The following ANKDD1B variants were observed in gnomAD, a reference collection of about 807,000 sequenced individuals.
The protein encoded by ANKDD1B is ankyrin repeat and death domain containing 1B.
ANKDD1B carries 57 observed loss-of-function variants against 59.7 expected under a neutral mutation model. That is an observed-to-expected ratio of 0.95 (90% CI 0.77 to 1.19). The LOEUF is 1.19. Ranked by LOEUF, ANKDD1B falls within the 50% of genes most tolerant of loss-of-function variation. The probability of loss-of-function intolerance (pLI) is 0.00; values close to 1 mark genes in which losing one functional copy is unlikely to be tolerated. For missense variants in ANKDD1B, 602 were observed against 641.9 expected, an observed-to-expected ratio of 0.94 and a Z score of 0.67; for synonymous variants, 216 against 239.5, an observed-to-expected ratio of 0.90 and a Z score of 0.91.
At chr5:75,622,681 C>T (rs116429038) in intron 3 of ANKDD1B, among the ~76,000 whole-genome samples, 133 of 152,292 alleles carry the variant, frequency 8.7e-4, no homozygotes, top group African/African-American at 2.6e-3. Flanking sequence ...TCACCTATGA[C>T]GAGACTGGCA....
At chr5:75,656,241 T>A in intron 9 of ANKDD1B, 114 bp downstream of exon 9, 1 of 534,042 alleles carries the variant, frequency 1.9e-6, no homozygotes, top group Non-Finnish European at 3.3e-6. Flanking sequence ...GGGAGGAACA[T>A]GAGCATCCTT....
chr5:75,659,031 T>A lies in ANKDD1B; in HGVS notation c.997-252T>A, dbSNP rs566197237. 4.9e-4 allele frequency among the ~76,000 whole-genome samples: 74 copies of A among 150,368 alleles called. No homozygotes were observed. The South Asian group carries it at 8.0e-3, about 16-fold the overall frequency. On this transcript the variant is annotated intron_variant, in intron 9 of 13. Transcript: ENST00000601380. Reference sequence around the variant, plus strand: ...AGGTACCTAATATTGAAATCATTTTTAAAAAAATAATTTTTAATGGTTGCC... The same window carrying A: ...AGGTACCTAATATTGAAATCATTTTAAAAAAAATAATTTTTAATGGTTGCC...
At chr5:75,650,509 T>C (rs1016601114) in intron 7 of ANKDD1B, among the ~76,000 whole-genome samples, 2 of 152,234 alleles carry the variant, frequency 1.3e-5, no homozygotes, top group Admixed American at 6.5e-5. Context: ...TTCGGACTTC[T>C]GACCTCCAGA....
intron 3 of ANKDD1B, among the ~76,000 whole-genome samples, chr5:75,622,004 C>A (rs1403191619): frequency 6.6e-6 from 1 of 152,182 alleles, no homozygotes; most frequent in African/African-American, 2.4e-5. Context: ...AGTGGCATTA[C>A]TCTGTAACTA....
chr5:75,627,382 G>A (rs1035018075), intron 5 of ANKDD1B, among the ~76,000 whole-genome samples: 1 of 152,018 alleles, frequency 6.6e-6, no homozygotes, highest in South Asian at 2.1e-4. Flanking sequence ...AATGCGCTTC[G>A]TGGTAAGCCA....
intron 7 of ANKDD1B, among the ~76,000 whole-genome samples, chr5:75,652,935 T>C (rs1236139354): frequency 1.3e-5 from 2 of 152,228 alleles, no homozygotes; most frequent in African/African-American, 4.8e-5. Flanking sequence ...GTAACATAGT[T>C]AAGTACTTGT....
At chr5:75,629,069 A>G (rs991874646) in intron 5 of ANKDD1B, among the ~76,000 whole-genome samples, 2 of 152,160 alleles carry the variant, frequency 1.3e-5, no homozygotes, top group Admixed American at 6.5e-5. Flanking sequence ...CAAAATACAA[A>G]GAAGCTTCTT....
chr5:75,626,101 A>C, intron 5 of ANKDD1B, 146 bp downstream of exon 5: 4 of 626,666 alleles, frequency 6.4e-6, no homozygotes, highest in African/African-American at 3.6e-5. Flanking sequence ...AGACCACAGA[A>C]CCAAAGAGGA....
At chr5:75,614,582 AAC>A (rs1773666357) in intron 1 of ANKDD1B, among the ~76,000 whole-genome samples, 1 of 152,158 alleles carries the variant, frequency 6.6e-6, no homozygotes, top group South Asian at 2.1e-4. Context: ...CCTTCATTTA[AAC>A]ACATGGCTTC....
intron 13 of ANKDD1B, among the ~76,000 whole-genome samples, chr5:75,669,633 G>A (rs1351766264): frequency 6.6e-6 from 1 of 152,140 alleles, no homozygotes; most frequent in African/African-American, 2.4e-5. Context: ...GAAAAAGTGT[G>A]GGAGTGTTTT....
chr5:75,639,933 T>C (rs1305025154), intron 7 of ANKDD1B, among the ~76,000 whole-genome samples: 2 of 152,248 alleles, frequency 1.3e-5, no homozygotes, highest in African/African-American at 4.8e-5. Flanking sequence ...TTTTAAAATG[T>C]CATGTAACAT....
At chr5:75,663,314 C>G in intron 10 of ANKDD1B, 80 bp from the exon 11 acceptor site, 1 of 1,059,786 alleles carries the variant, frequency 9.4e-7, no homozygotes, top group Non-Finnish European at 1.4e-6. Flanking sequence ...AAGATTTGAA[C>G]CGAGGCCCCC....
At chr5:75,624,965 T>C (rs1322847637) in intron 3 of ANKDD1B, among the ~76,000 whole-genome samples, 1 of 152,250 alleles carries the variant, frequency 6.6e-6, no homozygotes, top group Admixed American at 6.5e-5. Flanking sequence ...GCTTGCATTA[T>C]ATAGTCTGAC....
intron 7 of ANKDD1B, among the ~76,000 whole-genome samples, chr5:75,639,239 C>T (rs1774397371): frequency 6.6e-6 from 1 of 152,122 alleles, no homozygotes. Context: ...TCTTGTTGCC[C>T]AGGCGGGAGT....
At chr5:75,636,932 G>A (rs1774320058) in intron 7 of ANKDD1B, among the ~76,000 whole-genome samples, 1 of 151,986 alleles carries the variant, frequency 6.6e-6, no homozygotes, top group Admixed American at 6.6e-5. Flanking sequence ...GTACATTCAG[G>A]TGGAGTGTTA....
In ANKDD1B at chr5:75,671,242, TTGTA is replaced by T. The variant is rs1405703830; in HGVS notation, c.*206_*209del. The stretch of plus-strand genomic sequence containing the variant: ...TATAGTTTTTTTTGCTGAGGGCAAG[TTGTA>T]TGTGATTTTCCCATTTCTATCAATC... On this transcript the variant is annotated 3_prime_UTR_variant, in exon 14 of 14. Transcript: ENST00000601380. 1 of 353,274 alleles carries T rather than the reference TTGTA, an allele frequency of 2.8e-6. No individual in the cohort carries two copies. The highest frequency in any genetic ancestry group is 5.1e-6 in the Non-Finnish European group (1 of 197,254). The allele number at this position is 353,274 out of a possible 1,614,324, so 21.9% of individuals were successfully genotyped here.
intron 12 of ANKDD1B, 23 bp from the exon 13 acceptor site, chr5:75,669,229 C>T (rs538682240): frequency 1.6e-5 from 20 of 1,231,862 alleles, no homozygotes; most frequent in South Asian, 1.2e-4. Context: ...TGTTTTACCT[C>T]GGACCTCTTG....
chr5:75,656,528 T>G (rs1301098509), intron 9 of ANKDD1B, among the ~76,000 whole-genome samples: 1 of 152,230 alleles, frequency 6.6e-6, no homozygotes, highest in African/African-American at 2.4e-5. Flanking sequence ...ACAGTAAATG[T>G]ATCTTCTCTT....
intron 5 of ANKDD1B, among the ~76,000 whole-genome samples, chr5:75,630,429 G>A (rs1581136019): frequency 1.3e-5 from 2 of 152,160 alleles, no homozygotes; most frequent in African/African-American, 4.8e-5. Flanking sequence ...GACGATAACT[G>A]TTTTAAAGGG....
Sources: allele counts gnomAD v4.1 joint callset (sites outside exome capture counted in the v4.1 genomes callset), GRCh38; gene constraint gnomAD v4.1.1; transcripts MANE v1.5; gene names NCBI Gene and HGNC (gene_info 2026-07-23, HGNC 2026-07-21).